CAPN7: variants seen among roughly 807,000 people sequenced by gnomAD.
CAPN7 encodes calpain 7, also known as calpain-7.
CAPN7 carries 72 observed loss-of-function variants against 115.2 expected under a neutral mutation model. That is an observed-to-expected ratio of 0.63 (90% CI 0.52 to 0.76). The LOEUF (loss-of-function observed/expected upper bound fraction) is 0.76, where lower values mean the gene tolerates loss of function less well. CAPN7 is among the 30% of genes least tolerant of loss of function. The pLI, the probability that CAPN7 is intolerant of heterozygous loss-of-function variation, is 0.00. For missense variants in CAPN7, 905 were observed against 971.5 expected (o/e 0.93, Z 0.91); for synonymous variants, 344 against 322.3 (o/e 1.07, Z -0.72).
chr3:15,216,666 A>G (rs978309448), intron 2 of CAPN7, among the ~76,000 whole-genome samples: 7 of 152,130 alleles, frequency 4.6e-5, no homozygotes, highest in African/African-American at 1.2e-4. Flanking sequence ...ATATTACACA[A>G]TTTTGTCTGT....
chr3:15,229,553 C>CTTT (rs61081705), intron 8 of CAPN7, among the ~76,000 whole-genome samples: 1 of 88,292 alleles, frequency 1.1e-5, no homozygotes, highest in South Asian at 4.7e-4. Flanking sequence ...ATTGGTTTTA[C>CTTT]TTTTTTTCTT....
chr3:15,249,006 C>CAAAAAAAAAAAAAAAAAAAAA (rs1460568964), intron 19 of CAPN7, among the ~76,000 whole-genome samples: 4 of 50,714 alleles, frequency 7.9e-5, no homozygotes, highest in African/African-American at 3.8e-4. Flanking sequence ...ATACAACAAC[C>CAAAAAAAAAAAAAAAAAAAAA]AAAAAAAAAA....
rs998736762 is a variant in CAPN7, at chr3:15,249,774, C to CT, written c.2205-1147dup. On this transcript the variant is annotated intron_variant, in intron 19 of 20. Transcript: ENST00000253693. ...TTGTTACAATAACAATTTTTTTTTT[C>CT]TTTTTTTTTTGAGACAGAGTCTTGC... Among the ~76,000 whole-genome samples, 69 of 144,070 alleles carry CT rather than the reference C, an allele frequency of 4.8e-4. 1 individual carries two copies. Among genetic ancestry groups the CT allele is most frequent in the East Asian group, 1.0e-3 (5 of 4,930 alleles). 94.5% of individuals were successfully genotyped at this position (144,070 alleles called of 152,430 possible).
chr3:15,206,458 G>GGGCCTCCTTCCCTGCCCC lies in CAPN7; in HGVS notation c.-34_-17dup, dbSNP rs759768166. 1.8e-5 allele frequency: 27 copies of GGGCCTCCTTCCCTGCCCC among 1,470,602 alleles called. No individual in the cohort carries two copies. In the African/African-American group the frequency reaches 3.5e-4, roughly 19 times the overall value. 91.1% of individuals were successfully genotyped at this position (1,470,602 alleles called of 1,614,324 possible). ...GTCCGCGAAGAGCCGTCCTGCGTCA[G>GGGCCTCCTTCCCTGCCCC]GGCCTCCTTCCCTGCCCCGGCGCGG... On this transcript the variant is annotated 5_prime_UTR_variant, in exon 1 of 21. Transcript: ENST00000253693.
At position 15,221,080 on chromosome 3, in the gene CAPN7, T is replaced by C. The variant is rs1308402957; in HGVS notation, c.638+99T>C. The C allele has an allele frequency of 4.5e-6, 4 of 892,370 alleles. No individual in the cohort carries two copies. The East Asian group carries it at 1.1e-4, about 24-fold the overall frequency. The allele number at this position is 892,370 out of a possible 1,614,324, so 55.3% of individuals were successfully genotyped here. A position where few individuals can be genotyped will look rare whatever the true frequency, so the allele number is the denominator to read the frequency against. On this transcript the variant is annotated intron_variant, in intron 5 of 20. Transcript: ENST00000253693. ...TGCTGAATTGTATTCAGATTTCTCC[T>C]ATAGTGTATTGTGCTGTTATTATGT...
intron 9 of CAPN7, among the ~76,000 whole-genome samples, chr3:15,230,868 C>T (rs530467383): frequency 3.3e-5 from 5 of 152,308 alleles, no homozygotes; most frequent in African/African-American, 1.2e-4. Context: ...CAAACTAAAT[C>T]TGTTAGGTCA....
chr3:15,206,450 C>G lies in CAPN7; in HGVS notation c.-46C>G, dbSNP rs1017458124. 3 of 1,426,676 alleles carry G rather than the reference C, an allele frequency of 2.1e-6. No individual in the cohort carries two copies. The highest frequency in any genetic ancestry group is 2.9e-6 in the Non-Finnish European group (3 of 1,044,146). 88.4% of individuals were successfully genotyped at this position (1,426,676 alleles called of 1,614,324 possible). A position where few individuals can be genotyped will look rare whatever the true frequency, so the allele number is the denominator to read the frequency against. On this transcript the variant is annotated 5_prime_UTR_variant, in exon 1 of 21. Coordinates refer to ENST00000253693, the MANE Select transcript of CAPN7 (RefSeq NM_014296.3). ...CCGCCGCAGTCCGCGAAGAGCCGTC[C>G]TGCGTCAGGGCCTCCTTCCCTGCCC...
intron 10 of CAPN7, 97 bp downstream of exon 10, chr3:15,232,762 G>A: frequency 9.6e-7 from 1 of 1,037,272 alleles, no homozygotes; most frequent in Non-Finnish European, 1.4e-6. Flanking sequence ...TGTTTATAGG[G>A]AAAGAGAGCA....
chr3:15,242,074 T>G, intron 15 of CAPN7, 104 bp from the exon 16 acceptor site: 1 of 728,770 alleles, frequency 1.4e-6, no homozygotes, highest in Non-Finnish European at 2.3e-6. Context: ...AATTAGAGAT[T>G]TTTTGTGGAG....
chr3:15,246,699 A>C (rs764311628), intron 17 of CAPN7, 33 bp from the exon 18 acceptor site: 1 of 1,458,518 alleles, frequency 6.9e-7, no homozygotes, highest in East Asian at 2.3e-5. Context: ...TGTAAGTGTA[A>C]AATTTATCAA....
chr3:15,223,662 A>G, intron 6 of CAPN7, 101 bp downstream of exon 6: 1 of 741,800 alleles, frequency 1.3e-6, no homozygotes, highest in Non-Finnish European at 2.2e-6. Context: ...TAATAAAAAA[A>G]TTTGTTGGAA....
In CAPN7 at chr3:15,250,965, T is replaced by C. The variant is rs760269003; in HGVS notation, c.2239T>C (p.Ser747Pro). 18 of 1,613,378 alleles carry C rather than the reference T, an allele frequency of 1.1e-5. No individual in the cohort carries two copies. The highest frequency in any genetic ancestry group is 1.4e-5 in the Non-Finnish European group (17 of 1,179,480). ...CGTTGGATTTGAGGTTGTAACAGTTTCTACTCTAGGAGATCCTGGTCCCCA... is the reference window on the plus strand; with the variant it reads ...CGTTGGATTTGAGGTTGTAACAGTTCCTACTCTAGGAGATCCTGGTCCCCA... ...YSVGFEVVTVSTLGDPGPHGF... is the reference protein window; with the variant it reads ...YSVGFEVVTVPTLGDPGPHGF... The change falls in exon 20 of 21, where the codon TCT becomes CCT. Residue 747 changes from serine to proline, a missense_variant. Physicochemically the swap from Ser to Pro is moderately conservative, Grantham distance 74. Around this residue, in one of 3 missense-constraint regions of CAPN7, gnomAD observed 620 missense variants for 703.4 expected, o/e 0.88. Coordinates refer to ENST00000253693, the MANE Select transcript of CAPN7 (RefSeq NM_014296.3).
intron 1 of CAPN7, 77 bp downstream of exon 1, chr3:15,206,674 C>A: frequency 9.1e-7 from 1 of 1,097,680 alleles, no homozygotes; most frequent in South Asian, 1.5e-5. Context: ...GGGGCGGGAT[C>A]CGGGTGCGGA....
intron 19 of CAPN7, among the ~76,000 whole-genome samples, chr3:15,248,930 A>T (rs1475640107): frequency 2.9e-5 from 4 of 139,548 alleles, no homozygotes; most frequent in Non-Finnish European, 6.1e-5. Flanking sequence ...CGGGAGGCAG[A>T]GGTTGCAGTG....
chr3:15,237,968 CAAAAAATGTAT>C (rs1243243103), intron 12 of CAPN7, among the ~76,000 whole-genome samples: 1 of 151,722 alleles, frequency 6.6e-6, no homozygotes, highest in Non-Finnish European at 1.5e-5. Flanking sequence ...CACCCTGCCT[CAAAAAATGTAT>C]ATTTATATAT....
chr3:15,211,410 C>G (rs2044938199), intron 1 of CAPN7, among the ~76,000 whole-genome samples: 2 of 152,084 alleles, frequency 1.3e-5, no homozygotes, highest in Non-Finnish European at 2.9e-5. Context: ...TGTTTATAAT[C>G]AGTTCCTTAT....
chr3:15,229,553 C>CTTTTTTCTTTTT (rs1559398769), intron 8 of CAPN7, among the ~76,000 whole-genome samples: 48 of 88,292 alleles, frequency 5.4e-4, no homozygotes, highest in African/African-American at 1.7e-3. Flanking sequence ...ATTGGTTTTA[C>CTTTTTTCTTTTT]TTTTTTTCTT....
chr3:15,218,571 G>A (rs759225816), intron 4 of CAPN7, 31 bp downstream of exon 4: 3 of 1,486,634 alleles, frequency 2.0e-6, no homozygotes, highest in Non-Finnish European at 1.9e-6. Context: ...TCTAATCCAT[G>A]GATGGCACTT....
Position 15,247,412 on chromosome 3 carries a change from A to G in CAPN7, c.2159A>G (p.His720Arg), listed in dbSNP as rs773389538. The change falls in exon 19 of 21, where the codon CAT becomes CGT. Residue 720 changes from histidine (H) to arginine (R), a missense_variant. By Grantham distance (29) the His-to-Arg change is conservative. Around this residue, in one of 3 missense-constraint regions of CAPN7, gnomAD observed 620 missense variants for 703.4 expected, o/e 0.88. Coordinates refer to ENST00000253693, the MANE Select transcript of CAPN7 (RefSeq NM_014296.3). ...THKNNPIYQF[H>R]IEKTGPLLIE... ...AAAAATAACCCCATCTACCAATTCCATATAGAAAAGACTGGGCCGTTACTG... is the reference window on the plus strand; with the variant it reads ...AAAAATAACCCCATCTACCAATTCCGTATAGAAAAGACTGGGCCGTTACTG... 3.1e-6 allele frequency: 5 copies of G among 1,612,112 alleles called. No individual in the cohort carries two copies. In the Admixed American group the frequency reaches 6.7e-5, roughly 22 times the overall value.
Sources: allele counts gnomAD v4.1 joint callset (sites outside exome capture counted in the v4.1 genomes callset), GRCh38; gene constraint gnomAD v4.1.1; regional missense constraint gnomAD v4.1.1; transcripts MANE v1.5; gene names NCBI Gene and HGNC (gene_info 2026-07-23, HGNC 2026-07-21).